Variants in LARGE1 observed in about 807,000 individuals in gnomAD.
LARGE1 encodes xylosyl- and glucuronyltransferase LARGE1.
A neutral mutation model predicts 87.6 loss-of-function variants in LARGE1; 43 were observed. The ratio of observed to expected loss-of-function variants is 0.49; its 90% CI spans 0.38 to 0.63. LARGE1 has a LOEUF of 0.63. Among genes scored for constraint, LARGE1 ranks in the 30% least tolerant of loss-of-function variants. The pLI is 0.00. For missense variants in LARGE1, 802 were observed against 1,000.2 expected, an observed-to-expected ratio of 0.80 and a Z score of 2.67; for synonymous variants, 434 against 394.6, an observed-to-expected ratio of 1.10 and a Z score of -1.18.
intron 6 of LARGE1, among the ~76,000 whole-genome samples, chr22:33,521,890 C>A (rs1439150297): frequency 6.6e-6 from 1 of 152,172 alleles, no homozygotes; most frequent in African/African-American, 2.4e-5. Flanking sequence ...AGCATAGCGC[C>A]TGCATCTATT....
At chr22:33,355,428 G>A (rs1940797687) in intron 9 of LARGE1, among the ~76,000 whole-genome samples, 1 of 152,180 alleles carries the variant, frequency 6.6e-6, no homozygotes, top group Admixed American at 6.5e-5. Context: ...TGGGTAGCTT[G>A]CTAGGCTGAA....
intron 4 of LARGE1, among the ~76,000 whole-genome samples, chr22:33,614,644 G>A (rs547990213): frequency 2.0e-5 from 3 of 152,028 alleles, no homozygotes; most frequent in Non-Finnish European, 2.9e-5. Context: ...CCACATTCCC[G>A]GGGAAACCTT....
chr22:33,791,248 A>G (rs961000663), intron 1 of LARGE1, among the ~76,000 whole-genome samples: 1 of 152,230 alleles, frequency 6.6e-6, no homozygotes, highest in East Asian at 1.9e-4. Flanking sequence ...AATGGTGAGC[A>G]TGTCTGCGTA....
chr22:33,887,742 G>GA (rs1167291092), intron 1 of LARGE1, among the ~76,000 whole-genome samples: 1,594 of 141,326 alleles, frequency 0.011, 35 homozygotes, highest in African/African-American at 0.035. Flanking sequence ...CATCTCACAA[G>GA]AAAAAAAAAA....
intron 6 of LARGE1, among the ~76,000 whole-genome samples, chr22:33,452,701 C>T (rs2067983538): frequency 6.6e-6 from 1 of 152,172 alleles, no homozygotes; most frequent in South Asian, 2.1e-4. Flanking sequence ...GGCAGGAGCG[C>T]CCATCTGGGG....
intron 6 of LARGE1, among the ~76,000 whole-genome samples, chr22:33,529,517 G>T (rs542325491): frequency 6.6e-6 from 1 of 152,200 alleles, no homozygotes; most frequent in Non-Finnish European, 1.5e-5. Flanking sequence ...GCTATTAACC[G>T]GGTCAGAAAG....
chr22:33,343,966 T>G (rs991288590), intron 9 of LARGE1, among the ~76,000 whole-genome samples: 1 of 152,176 alleles, frequency 6.6e-6, no homozygotes, highest in Non-Finnish European at 1.5e-5. Context: ...CTGAGTCTGA[T>G]GTTTGAGGGC....
At chr22:33,648,070 T>C (rs1164117534) in intron 3 of LARGE1, among the ~76,000 whole-genome samples, 1 of 152,190 alleles carries the variant, frequency 6.6e-6, no homozygotes, top group African/African-American at 2.4e-5. Flanking sequence ...AACTTGATTT[T>C]AATCCACAGT....
intron 11 of LARGE1, among the ~76,000 whole-genome samples, chr22:33,267,249 CAAAT>C (rs1456127626): frequency 2.0e-5 from 3 of 151,540 alleles, no homozygotes; most frequent in African/African-American, 4.9e-5. Context: ...CAAAAGAAAA[CAAAT>C]AAAACCCCAA....
chr22:33,510,897 T>C (rs1397510113), intron 6 of LARGE1, among the ~76,000 whole-genome samples: 1 of 152,186 alleles, frequency 6.6e-6, no homozygotes, highest in Non-Finnish European at 1.5e-5. Context: ...TGGCTTAGCT[T>C]TTGGTTCTGA....
At chr22:33,690,739 G>A (rs1433405307) in intron 2 of LARGE1, among the ~76,000 whole-genome samples, 1 of 151,750 alleles carries the variant, frequency 6.6e-6, no homozygotes, top group Non-Finnish European at 1.5e-5. Context: ...CAAGGTGGAG[G>A]CTGGCTTGGG....
chr22:33,197,891 CA>C (rs1284166017), intron 11 of LARGE1, among the ~76,000 whole-genome samples: 1 of 139,682 alleles, frequency 7.2e-6, no homozygotes, highest in African/African-American at 2.8e-5. Flanking sequence ...GCAATCAAAT[CA>C]GTATGGAATT....
chr22:33,097,594 A>G, the LARGE1 span, among the ~76,000 whole-genome samples: 1 of 152,230 alleles, frequency 6.6e-6, no homozygotes, highest in African/African-American at 2.4e-5. Flanking sequence ...GCCTCTGAAG[A>G]CACCTCTTTC....
intron 2 of LARGE1, among the ~76,000 whole-genome samples, chr22:33,700,278 T>C (rs1662831419): frequency 6.6e-6 from 1 of 152,216 alleles, no homozygotes; most frequent in Non-Finnish European, 1.5e-5. Flanking sequence ...GTCATTCTGA[T>C]GCATGCTGGA....
chr22:33,623,713 A>G (rs5754623), intron 4 of LARGE1, among the ~76,000 whole-genome samples: 118 of 152,074 alleles, frequency 7.8e-4, no homozygotes, highest in East Asian at 5.4e-3. Context: ...TTTAAAAAAA[A>G]AAAAAAAAAA....
chr22:33,756,200 C>T (rs1048950331), intron 2 of LARGE1, among the ~76,000 whole-genome samples: 3 of 152,070 alleles, frequency 2.0e-5, no homozygotes, highest in Non-Finnish European at 4.4e-5. Flanking sequence ...ATGATGAGAC[C>T]TGTCAGTACT....
intron 10 of LARGE1, chr22:33,320,933 A>G (rs977026504): frequency 1.3e-5 from 2 of 152,386 alleles, no homozygotes; most frequent in South Asian, 2.1e-4. Flanking sequence ...CTCCACCACC[A>G]TGCTGCTGCT....
At chr22:33,321,798 G>A (rs915539156) in intron 10 of LARGE1, among the ~76,000 whole-genome samples, 18 of 152,114 alleles carry the variant, frequency 1.2e-4, no homozygotes, top group African/African-American at 4.3e-4. Context: ...ATGTATGGGG[G>A]TTTCTCATCC....
intron 5 of LARGE1, among the ~76,000 whole-genome samples, chr22:33,575,713 A>C (rs2078332450): frequency 6.6e-6 from 1 of 152,230 alleles, no homozygotes; most frequent in African/African-American, 2.4e-5. Flanking sequence ...CATTATTCAG[A>C]AGTCTACTAA....
Sources: gnomAD v4.1 joint callset for allele counts (sites outside exome capture counted in the v4.1 genomes callset) on GRCh38, gnomAD v4.1.1 for gene constraint, MANE v1.5 for transcripts, NCBI Gene and HGNC (gene_info 2026-07-23, HGNC 2026-07-21) for gene names.